DPY19L4: variants seen among roughly 807,000 people sequenced by gnomAD.
DPY19L4 encodes the protein dpy-19 like 4, also known as probable C-mannosyltransferase DPY19L4.
Under a neutral mutation model 102.8 loss-of-function variants are expected in DPY19L4, and 97 were observed. The ratio of observed to expected loss-of-function variants is 0.94; its 90% CI spans 0.80 to 1.12. The LOEUF (loss-of-function observed/expected upper bound fraction) is 1.12, where lower values mean the gene tolerates loss of function less well. DPY19L4 is among the 50% of genes most tolerant of loss of function. DPY19L4 has a pLI of 0.00. For missense variants in DPY19L4, 815 were observed against 850.4 expected, an observed-to-expected ratio of 0.96 and a Z score of 0.52; for synonymous variants, 252 against 283.1, an observed-to-expected ratio of 0.89 and a Z score of 1.10.
In DPY19L4 at chr8:94,733,118, C is replaced by CTTT. The variant is rs34879619; in HGVS notation, c.128-1489_128-1487dup. Among the ~76,000 whole-genome samples the CTTT allele has an allele frequency of 4.9e-3, 374 of 76,356 alleles. 6 individuals carry two copies. The highest frequency in any genetic ancestry group is 0.013 in the East Asian group (32 of 2,450). The allele number at this position is 76,356 out of a possible 152,430, so 50.1% of individuals were successfully genotyped here. A position where few individuals can be genotyped will look rare whatever the true frequency, so the allele number is the denominator to read the frequency against. On this transcript the variant is annotated intron_variant, in intron 2 of 18. Coordinates refer to ENST00000414645, the MANE Select transcript of DPY19L4 (RefSeq NM_181787.3). ...CCACCACACTTAGCTTCATCTTAAC[C>CTTT]TTTTTTTTTTTTTTTTTTTTTTTTT...
At chr8:94,733,121 T>C (rs1163697099) in intron 2 of DPY19L4, among the ~76,000 whole-genome samples, 1 of 130,828 alleles carries the variant, frequency 7.6e-6, no homozygotes, top group Non-Finnish European at 1.6e-5. Flanking sequence ...TCTTAACCTT[T>C]TTTTTTTTTT....
rs542089311 is a variant in DPY19L4 at position 94,722,329 on chromosome 8, C to A, written c.16+2315C>A. On this transcript the variant is annotated intron_variant, in intron 1 of 18. Transcript: ENST00000414645. Reference sequence around the variant, plus strand: ...GGCTGAGGCAAGAGAATCGATGGAACCCAGGAGGCCGAGGTTGCAGTGAGA... The same window carrying A: ...GGCTGAGGCAAGAGAATCGATGGAAACCAGGAGGCCGAGGTTGCAGTGAGA... 3.3e-5 allele frequency among the ~76,000 whole-genome samples: 5 copies of A among 151,958 alleles called. No homozygotes were observed. The South Asian group carries it at 8.3e-4, about 25-fold the overall frequency.
At position 94,793,627 on chromosome 8, in the gene DPY19L4, G is replaced by A. The variant is rs1223646669; in HGVS notation, c.*3717G>A. ...TAGTTTTAGATCCCAATGTGTATTA[G>A]AATTATAGCTACAAAAAGTTGCAAG... On this transcript the variant is annotated 3_prime_UTR_variant, in exon 19 of 19. Coordinates refer to ENST00000414645, the MANE Select transcript of DPY19L4 (RefSeq NM_181787.3). 6.6e-6 allele frequency: 1 copy of A among 152,036 alleles called. No individual in the cohort carries two copies. Among genetic ancestry groups the A allele is most frequent in the African/African-American group, 2.4e-5 (1 of 41,400 alleles). 9.4% of individuals were successfully genotyped at this position (152,036 alleles called of 1,614,324 possible).
chr8:94,734,061 C>CT (rs55957128), intron 2 of DPY19L4, among the ~76,000 whole-genome samples: 3,441 of 133,198 alleles, frequency 0.026, 138 homozygotes, highest in African/African-American at 0.078. Context: ...TACCTAATGT[C>CT]TTTTTTTTTT....
intron 8 of DPY19L4, among the ~76,000 whole-genome samples, chr8:94,764,433 C>T (rs1369038388): frequency 2.6e-5 from 4 of 151,208 alleles, no homozygotes; most frequent in East Asian, 3.9e-4. Flanking sequence ...AAAAATTAGC[C>T]GGGCGTGGTG....
At position 94,747,645 on chromosome 8, in the gene DPY19L4, G is replaced by A. The variant is rs112597763; in HGVS notation, c.611+7855G>A. ...ACGATCTCGGCTCACTGCAAGATCC[G>A]CCTCCCGGGTTCACGCCATTCTTCT... On this transcript the variant is annotated intron_variant, in intron 6 of 18. Coordinates refer to ENST00000414645, the MANE Select transcript of DPY19L4 (RefSeq NM_181787.3). 4.3e-3 allele frequency among the ~76,000 whole-genome samples: 616 copies of A among 144,168 alleles called. 2 individuals are homozygous for A. Among genetic ancestry groups the A allele is most frequent in the African/African-American group, 0.015 (580 of 38,788 alleles). 94.6% of individuals were successfully genotyped at this position (144,168 alleles called of 152,430 possible). A position where few individuals can be genotyped will look rare whatever the true frequency, so the allele number is the denominator to read the frequency against.
chr8:94,737,133 T>C (rs1262021978), intron 3 of DPY19L4, among the ~76,000 whole-genome samples: 1 of 152,124 alleles, frequency 6.6e-6, no homozygotes, highest in African/African-American at 2.4e-5. Context: ...ATTATTAATA[T>C]GTTAATTTGG....
At chr8:94,763,987 A>G (rs1336685630) in intron 8 of DPY19L4, among the ~76,000 whole-genome samples, 3 of 152,120 alleles carry the variant, frequency 2.0e-5, no homozygotes, top group African/African-American at 4.8e-5. Context: ...TTTTTAGCAT[A>G]TAACTATTTT....
At chr8:94,768,318 C>G in intron 11 of DPY19L4, 77 bp from the exon 12 acceptor site, 1 of 1,174,814 alleles carries the variant, frequency 8.5e-7, no homozygotes, top group South Asian at 1.4e-5. Context: ...TTAGTTTTTG[C>G]TGATATTAAA....
At position 94,783,750 on chromosome 8, in the gene DPY19L4, T is replaced by C; in HGVS notation, c.1796T>C (p.Val599Ala). The C allele has an allele frequency of 6.2e-7, 1 of 1,614,166 alleles. No individual in the cohort carries two copies. ...ATTAAATTATGCACTGGATGGATGG[T>C]GACAAGTTTGCCTCTTTACAATGAT... ...GAIKLCTGWM[V>A]TSLPLYNDDD... is the part of the protein sequence containing the mutation. Residue 599 changes from valine (V) to alanine (A), a missense_variant, in exon 17 of 19, where the codon GTG becomes GCG. By Grantham distance (64) the Val-to-Ala change is moderately conservative (BLOSUM62 0). Coordinates refer to ENST00000414645, the MANE Select transcript of DPY19L4 (RefSeq NM_181787.3).
chr8:94,744,827 A>T, intron 6 of DPY19L4: 1 of 300,220 alleles, frequency 3.3e-6, no homozygotes, highest in Non-Finnish European at 6.6e-6. Context: ...GTAGAAGTTA[A>T]ATAGAAAAAT....
chr8:94,723,742 C>G (rs1027245781), intron 1 of DPY19L4, among the ~76,000 whole-genome samples: 8 of 152,170 alleles, frequency 5.3e-5, no homozygotes, highest in African/African-American at 1.9e-4. Context: ...GTCTTAAAAT[C>G]AGTGCACACA....
At chr8:94,739,028 CT>C (rs1811319440) in intron 4 of DPY19L4, among the ~76,000 whole-genome samples, 1 of 152,124 alleles carries the variant, frequency 6.6e-6, no homozygotes, top group Non-Finnish European at 1.5e-5. Flanking sequence ...CCCAAATCAA[CT>C]CTCAGCTTTT....
Position 94,777,666 on chromosome 8 carries a change from C to T in DPY19L4, c.1455C>T (p.Gly485=), listed in dbSNP as rs1563613101. The T allele has an allele frequency of 1.9e-6, 3 of 1,610,822 alleles. No individual in the cohort carries two copies. Among genetic ancestry groups the T allele is most frequent in the Non-Finnish European group, 2.5e-6 (3 of 1,178,442 alleles). Residue 485 remains glycine, a splice_region_variant and synonymous_variant, in exon 14 of 19, where the codon GGC becomes GGT. Transcript: ENST00000414645. The part of the protein sequence containing the change: ...LLGSLAMVIE[G]LKYIWIPYVC... ...GTATGACTCCATTTGTGTTTTCTAG[C>T]TTGAAGTACATCTGGATTCCTTATG...
chr8:94,764,135 A>T (rs1359122341), intron 8 of DPY19L4, among the ~76,000 whole-genome samples: 1 of 152,202 alleles, frequency 6.6e-6, no homozygotes, highest in African/African-American at 2.4e-5. Flanking sequence ...ACTGCTAAAA[A>T]TTATGATTTT....
At chr8:94,759,799 G>A (rs995937653) in intron 7 of DPY19L4, among the ~76,000 whole-genome samples, 9 of 152,108 alleles carry the variant, frequency 5.9e-5, no homozygotes, top group Non-Finnish European at 1.3e-4. Context: ...CACTGTGCCC[G>A]GCCCATGTAC....
chr8:94,724,697 C>G (rs1810613241), intron 1 of DPY19L4, among the ~76,000 whole-genome samples: 1 of 152,166 alleles, frequency 6.6e-6, no homozygotes, highest in African/African-American at 2.4e-5. Flanking sequence ...AAGTGATTCT[C>G]CTGCCTCAGC....
At chr8:94,743,777 G>A (rs1356985824) in intron 6 of DPY19L4, among the ~76,000 whole-genome samples, 2 of 152,162 alleles carry the variant, frequency 1.3e-5, no homozygotes, top group Non-Finnish European at 1.5e-5. Flanking sequence ...AGGCTGAGGC[G>A]GGTGGATCAC....
At chr8:94,755,655 G>A (rs1812127501) in intron 6 of DPY19L4, among the ~76,000 whole-genome samples, 1 of 152,132 alleles carries the variant, frequency 6.6e-6, no homozygotes, top group Admixed American at 6.6e-5. Flanking sequence ...AGCACTTTGG[G>A]AGGTCGAGGC....
Sources: allele counts gnomAD v4.1 joint callset (sites outside exome capture counted in the v4.1 genomes callset), GRCh38; gene constraint gnomAD v4.1.1; transcripts MANE v1.5; gene names NCBI Gene and HGNC (gene_info 2026-07-23, HGNC 2026-07-21).